The following ZMYND8 variants were observed in gnomAD, a reference collection of about 807,000 sequenced individuals.
The protein encoded by ZMYND8 is zinc finger MYND-type containing 8, also known as MYND-type zinc finger-containing chromatin reader ZMYND8.
ZMYND8 carries 37 observed loss-of-function variants against 140.8 expected under a neutral mutation model. The ratio of observed to expected loss-of-function variants is 0.26; its 90% CI spans 0.20 to 0.35. ZMYND8 has a LOEUF of 0.35. Ranked by LOEUF, ZMYND8 falls within the 10% of genes least tolerant of loss-of-function variation. ZMYND8 has a pLI of 1.00. For missense variants in ZMYND8, 1,068 were observed against 1,570.0 expected, an observed-to-expected ratio of 0.68 and a Z score of 5.40; for synonymous variants, 592 against 597.1, an observed-to-expected ratio of 0.99 and a Z score of 0.12.
chr20:47,324,496 G>A (rs1374065175), intron 2 of ZMYND8, among the ~76,000 whole-genome samples: 2 of 152,130 alleles, frequency 1.3e-5, no homozygotes, highest in Admixed American at 6.6e-5. Flanking sequence ...TCCAGCCTGG[G>A]CAACAAGAAG....
chr20:47,312,452 C>A (rs1168687606), intron 2 of ZMYND8, among the ~76,000 whole-genome samples: 1 of 152,044 alleles, frequency 6.6e-6, no homozygotes, highest in African/African-American at 2.4e-5. Flanking sequence ...ACAACAGGTA[C>A]CTTGAGGGTG....
At chr20:47,242,865 A>G (rs2040138373) in intron 14 of ZMYND8, among the ~76,000 whole-genome samples, 1 of 152,226 alleles carries the variant, frequency 6.6e-6, no homozygotes, top group East Asian at 1.9e-4. Context: ...TCTGGAGTAC[A>G]TAATCAATCA....
At chr20:47,351,879 A>G (rs2082811373) in intron 1 of ZMYND8, 2 of 985,260 alleles carry the variant, frequency 2.0e-6, no homozygotes, top group Admixed American at 1.2e-4. Context: ...CTTCCTAAAT[A>G]CCAGAACTAG....
At chr20:47,285,572 C>T (rs2076871583) in intron 8 of ZMYND8, 1 of 643,126 alleles carries the variant, frequency 1.6e-6, no homozygotes, top group South Asian at 7.0e-5. Context: ...ATTACAACTC[C>T]CAATATTGGA....
intron 3 of ZMYND8, among the ~76,000 whole-genome samples, chr20:47,304,959 T>C (rs1175223521): frequency 3.3e-5 from 5 of 152,078 alleles, no homozygotes; most frequent in Non-Finnish European, 7.4e-5. Context: ...AAGACTTCTG[T>C]GGGCCTAGTG....
At position 47,319,413 on chromosome 20, in the gene ZMYND8, G is replaced by T. The variant is rs888568070; in HGVS notation, c.86-9209C>A. On this transcript the variant is annotated intron_variant, in intron 2 of 22. Coordinates refer to ENST00000471951, the MANE Select transcript of ZMYND8 (RefSeq NM_001281775.3). ...GGGAAACAGCTGTGGTTTGCATTTT[G>T]AAGTTGTTTTTAACATTTTTAGTAA... is the stretch of plus-strand genomic sequence containing the variant. 6 of 221,836 alleles carry T rather than the reference G, an allele frequency of 2.7e-5. No homozygotes were observed. In the Admixed American group the frequency reaches 3.2e-4, roughly 12 times the overall value. The allele number at this position is 221,836 out of a possible 1,614,324, so 13.7% of individuals were successfully genotyped here.
chr20:47,262,930 G>A (rs1054058595), intron 11 of ZMYND8, among the ~76,000 whole-genome samples: 1 of 152,146 alleles, frequency 6.6e-6, no homozygotes, highest in Non-Finnish European at 1.5e-5. Context: ...AAAGGTTCTT[G>A]AGGCTATGTA....
rs1215599247 is a variant in ZMYND8, at chr20:47,257,771, T to C, written c.1621+4517A>G. On this transcript the variant is annotated intron_variant, in intron 12 of 22. Transcript: ENST00000471951. ...GTGTAACAGTATAATATAATTACAG[T>C]ATAGTATAAATAAAAACTGACAACC... 3.3e-5 allele frequency among the ~76,000 whole-genome samples: 5 copies of C among 152,306 alleles called. No individual in the cohort carries two copies. In the East Asian group the frequency reaches 7.7e-4, roughly 23 times the overall value.
At chr20:47,227,681 T>A (rs547248170) in intron 17 of ZMYND8, among the ~76,000 whole-genome samples, 2 of 152,354 alleles carry the variant, frequency 1.3e-5, no homozygotes, top group South Asian at 4.1e-4. Context: ...TTCCAAAGCC[T>A]GACATCTCTG....
In ZMYND8 at chr20:47,347,841, A is replaced by G; in HGVS notation, c.85+15T>C. 1 of 1,613,160 alleles carries G rather than the reference A, an allele frequency of 6.2e-7. No homozygotes were observed. The highest frequency in any genetic ancestry group is 1.3e-5 in the African/African-American group (1 of 75,054). On this transcript the variant is annotated intron_variant, in intron 2 of 22. Transcript: ENST00000471951. ...TCCTTAGCTCTAGAATAGATAATAC[A>G]AGATTTTTACTCACCTTTGGAGCGA...
At chr20:47,355,673 AGAG>A (rs1343374694) in intron 1 of ZMYND8, 2 of 177,260 alleles carry the variant, frequency 1.1e-5, no homozygotes, top group African/African-American at 4.8e-5. Context: ...ACAGGAGAAG[AGAG>A]GAGGATACAA....
rs1322653721 is a variant in ZMYND8 at position 47,298,917 on chromosome 20, T to C, written c.265A>G (p.Met89Val). 1 of 1,614,190 alleles carries C rather than the reference T, an allele frequency of 6.2e-7. No homozygotes were observed. The highest frequency in any genetic ancestry group is 2.2e-5 in the East Asian group (1 of 44,884). The part of the protein sequence containing the change: ...SELRHGPFYY[M>V]KQPLTTDPVD... ...GGGTCTGTGGTGAGTGGCTGCTTCA[T>C]ATAGTAAAACGGACCATGTCTTAGT... The change falls in exon 4 of 23, where the codon ATG (methionine) becomes GTG (valine). Residue 89 changes from methionine (M) to valine (V), a missense_variant. By Grantham distance (21) the Met-to-Val change is conservative (BLOSUM62 1). Coordinates refer to ENST00000471951, the MANE Select transcript of ZMYND8 (RefSeq NM_001281775.3). This position sits in a 1 kb window ranked among gnomAD's most constrained non-coding sequence, Gnocchi z 5.0.
intron 2 of ZMYND8, among the ~76,000 whole-genome samples, chr20:47,317,829 T>C (rs2079534672): frequency 1.3e-5 from 2 of 152,174 alleles, no homozygotes; most frequent in Admixed American, 6.5e-5. Flanking sequence ...TCCCCTGCAG[T>C]GTGACCGTAA....
chr20:47,229,826 A>G lies in ZMYND8; in HGVS notation c.2857-20T>C, dbSNP rs761488270. ...CATCATCTGAAAGATAAAAACAGAA[A>G]CAATTCAGCTGATCACTTCTTGGAG... On this transcript the variant is annotated intron_variant, in intron 16 of 22. Coordinates refer to ENST00000471951, the MANE Select transcript of ZMYND8 (RefSeq NM_001281775.3). The G allele has an allele frequency of 3.1e-6, 5 of 1,596,658 alleles. No individual in the cohort carries two copies. In the African/African-American group the frequency reaches 6.7e-5, roughly 21 times the overall value.
At chr20:47,277,641 A>C (rs2076334668) in intron 10 of ZMYND8, among the ~76,000 whole-genome samples, 1 of 149,384 alleles carries the variant, frequency 6.7e-6, no homozygotes, top group East Asian at 1.9e-4. Flanking sequence ...TTGTTTGTTT[A>C]ATTAATTCAT....
intron 2 of ZMYND8, among the ~76,000 whole-genome samples, chr20:47,346,117 G>A (rs2082317249): frequency 6.6e-6 from 1 of 152,164 alleles, no homozygotes; most frequent in Non-Finnish European, 1.5e-5. Flanking sequence ...GACAGAGCCA[G>A]TGTCCAAGCC....
At chr20:47,314,630 T>C (rs1000124082) in intron 2 of ZMYND8, among the ~76,000 whole-genome samples, 1 of 152,222 alleles carries the variant, frequency 6.6e-6, no homozygotes, top group Admixed American at 6.5e-5. Flanking sequence ...GTACACTAGT[T>C]TGAGGAACGC....
At chr20:47,231,883 T>C (rs1049286483) in intron 16 of ZMYND8, among the ~76,000 whole-genome samples, 3 of 152,258 alleles carry the variant, frequency 2.0e-5, no homozygotes, top group Non-Finnish European at 4.4e-5. Flanking sequence ...ATATCATGCA[T>C]TCATGGACTG....
intron 12 of ZMYND8, among the ~76,000 whole-genome samples, chr20:47,256,815 T>C (rs191162805): frequency 6.6e-6 from 1 of 152,110 alleles, no homozygotes; most frequent in African/African-American, 2.4e-5. Flanking sequence ...CCTCCTGTCA[T>C]TAACAGTGGA....
Sources: allele counts gnomAD v4.1 joint callset (sites outside exome capture counted in the v4.1 genomes callset), GRCh38; gene constraint gnomAD v4.1.1; non-coding constraint Gnocchi (gnomAD v3.1); transcripts MANE v1.5; gene names NCBI Gene and HGNC (gene_info 2026-07-23, HGNC 2026-07-21).